Variants in SDR42E2 observed in about 807,000 individuals in gnomAD.
The protein encoded by SDR42E2 is short chain dehydrogenase/reductase family 42E, member 2.
In SDR42E2, 20 loss-of-function variants were observed where a neutral mutation model predicts 10.5. That is an observed-to-expected ratio of 1.90 (90% CI 1.34 to 2.77). SDR42E2 has a LOEUF of 2.77. Among genes scored for constraint, SDR42E2 ranks in the 30% most tolerant of loss-of-function variants. The probability of loss-of-function intolerance (pLI) is 0.00; values close to 1 mark genes in which losing one functional copy is unlikely to be tolerated. For missense variants in SDR42E2, 162 were observed against 104.2 expected, an observed-to-expected ratio of 1.55 and a Z score of -2.42; for synonymous variants, 72 against 39.2, an observed-to-expected ratio of 1.84 and a Z score of -3.12.
At position 22,166,316 on chromosome 16, in the gene SDR42E2, G is replaced by A. The variant is rs1439015232; in HGVS notation, c.122G>A (p.Gly41Glu). Residue 41 changes from glycine to glutamate, a missense_variant, in exon 3 of 13, where the codon GGA becomes GAA. Gly to Glu is a moderately conservative substitution (Grantham distance 98). Coordinates refer to ENST00000602312, the MANE Select transcript of SDR42E2 (RefSeq NM_001394319.2). ...AARQKVLVTG[G>E]GGYLGFSLGS... ...AGGCAGAAGGTTCTAGTGACTGGAG[G>A]AGGAGGCTACCTGGGCTTCAGCCTG... 2 of 402,336 alleles carry A rather than the reference G, an allele frequency of 5.0e-6. No homozygotes were observed. Among genetic ancestry groups the A allele is most frequent in the African/African-American group, 4.1e-5 (2 of 48,720 alleles). The allele number at this position is 402,336 out of a possible 1,614,324, so 24.9% of individuals were successfully genotyped here.
intron 10 of SDR42E2, among the ~76,000 whole-genome samples, chr16:22,183,285 C>G (rs1035957192): frequency 1.3e-5 from 2 of 152,118 alleles, no homozygotes; most frequent in African/African-American, 4.8e-5. Flanking sequence ...CCCTGCTCGG[C>G]TAATTTTTTG....
Position 22,170,838 on chromosome 16 carries a change from G to A in SDR42E2, c.400G>A (p.Val134Ile), listed in dbSNP as rs1055638421. ...GGTKLVIDVC[V>I]RRRVPRLIYT... ...ATGTGCACCTGCTGCTGCAGTCTGT[G>A]TTCGCCGGCGGGTTCCAAGGCTCAT... Residue 134 changes from valine (V) to isoleucine (I), a missense_variant, in exon 6 of 13, where the codon GTT becomes ATT. Physicochemically the swap from Val to Ile is conservative, Grantham distance 29. Coordinates refer to ENST00000602312, the MANE Select transcript of SDR42E2 (RefSeq NM_001394319.2). The A allele has an allele frequency of 7.1e-6, 5 of 702,898 alleles. No homozygotes were observed. The highest frequency in any genetic ancestry group is 1.3e-5 in the Non-Finnish European group (5 of 385,010). 43.5% of individuals were successfully genotyped at this position (702,898 alleles called of 1,614,324 possible).
chr16:22,191,643 A>G lies in SDR42E2; in HGVS notation c.*1250A>G, dbSNP rs768842867. 3.3e-5 allele frequency: 5 copies of G among 152,048 alleles called. No homozygotes were observed. The highest frequency in any genetic ancestry group is 7.4e-5 in the Non-Finnish European group (5 of 68,024). 9.4% of individuals were successfully genotyped at this position (152,048 alleles called of 1,614,324 possible). On this transcript the variant is annotated 3_prime_UTR_variant, in exon 13 of 13. Coordinates refer to ENST00000602312, the MANE Select transcript of SDR42E2 (RefSeq NM_001394319.2). ...GGTTCCTGTCTGAGGATGACAGCAT[A>G]GTAAGCACAGGTTTTAGTACCAGAA...
At chr16:22,178,477 G>C (rs1302584848) in intron 8 of SDR42E2, among the ~76,000 whole-genome samples, 1 of 152,220 alleles carries the variant, frequency 6.6e-6, no homozygotes, top group Admixed American at 6.5e-5. Flanking sequence ...CAAAAAGGCA[G>C]AAGAGAGCCT....
intron 7 of SDR42E2, among the ~76,000 whole-genome samples, chr16:22,174,868 G>A (rs531982001): frequency 1.5e-4 from 23 of 152,210 alleles, no homozygotes; most frequent in African/African-American, 5.3e-4. Flanking sequence ...ATGCCCAGGT[G>A]ACCCAGAGTT....
At chr16:22,186,613 T>C (rs925296712) in intron 11 of SDR42E2, 108 bp from the exon 12 acceptor site, 4 of 400,620 alleles carry the variant, frequency 1.0e-5, no homozygotes, top group Non-Finnish European at 1.8e-5. Context: ...TTCTGCAAAG[T>C]GACCTCTAGC....
At chr16:22,175,555 T>TA (rs1445887817) in intron 7 of SDR42E2, among the ~76,000 whole-genome samples, 1 of 151,672 alleles carries the variant, frequency 6.6e-6, no homozygotes, top group Non-Finnish European at 1.5e-5. Context: ...TTTTTTTTTT[T>TA]TTTAGTCTCC....
intron 12 of SDR42E2, among the ~76,000 whole-genome samples, chr16:22,189,633 C>T (rs1435976162): frequency 6.6e-6 from 1 of 152,210 alleles, no homozygotes; most frequent in East Asian, 1.9e-4. Context: ...TCGAATTCCT[C>T]TCTTAGGGAA....
At chr16:22,167,104 A>T in intron 4 of SDR42E2, 105 bp downstream of exon 4, 2 of 340,232 alleles carry the variant, frequency 5.9e-6, no homozygotes, top group Non-Finnish European at 1.2e-5. Flanking sequence ...CTATTATAGG[A>T]GGGACTTGGG....
intron 1 of SDR42E2, among the ~76,000 whole-genome samples, chr16:22,164,718 G>A (rs772110027): frequency 1.3e-5 from 2 of 152,170 alleles, no homozygotes; most frequent in African/African-American, 4.8e-5. Flanking sequence ...GTGGAGACAG[G>A]CACAGCACTT....
At chr16:22,182,730 T>C (rs1158975611) in intron 10 of SDR42E2, among the ~76,000 whole-genome samples, 1 of 152,188 alleles carries the variant, frequency 6.6e-6, no homozygotes, top group Non-Finnish European at 1.5e-5. Flanking sequence ...CCCAGTGAGG[T>C]GGCTCACATC....
chr16:22,166,201 TCTGGGACTGGG>T (rs2046537355), intron 2 of SDR42E2, 38 bp from the exon 3 acceptor site: 1 of 411,182 alleles, frequency 2.4e-6, no homozygotes, highest in Non-Finnish European at 4.3e-6. Context: ...CAGACAGGGG[TCTGGGACTGGG>T]CCCAGACCCA....
intron 12 of SDR42E2, among the ~76,000 whole-genome samples, chr16:22,188,537 T>G (rs1334741662): frequency 6.6e-6 from 1 of 152,178 alleles, no homozygotes; most frequent in Non-Finnish European, 1.5e-5. Context: ...CTCACTTAAA[T>G]GGTAGAGCTG....
intron 5 of SDR42E2, 47 bp from the exon 6 acceptor site, chr16:22,170,786 C>A: frequency 4.3e-6 from 3 of 702,232 alleles, no homozygotes; most frequent in Non-Finnish European, 7.8e-6. Context: ...TGTGTCTTTG[C>A]ATGTGTGTGT....
At chr16:22,162,808 G>A (rs2046508316) in intron 1 of SDR42E2, among the ~76,000 whole-genome samples, 1 of 152,196 alleles carries the variant, frequency 6.6e-6, no homozygotes, top group Admixed American at 6.5e-5. Context: ...GTTTCCTCAT[G>A]TTCTCTGGGC....
intron 10 of SDR42E2, among the ~76,000 whole-genome samples, chr16:22,183,726 A>G: frequency 6.6e-6 from 1 of 152,188 alleles, no homozygotes; most frequent in East Asian, 1.9e-4. Flanking sequence ...ATCAGATTCT[A>G]CATAAATGCC....
intron 12 of SDR42E2, among the ~76,000 whole-genome samples, chr16:22,189,219 G>C (rs917853512): frequency 1.2e-4 from 19 of 152,162 alleles, no homozygotes; most frequent in African/African-American, 4.1e-4. Flanking sequence ...GACCCCAGGG[G>C]CTGTTTCAAT....
intron 4 of SDR42E2, among the ~76,000 whole-genome samples, 165 bp downstream of exon 4, chr16:22,167,164 C>CTTTTTTTTT (rs2046549057): frequency 9.4e-6 from 1 of 106,618 alleles, no homozygotes; most frequent in East Asian, 3.0e-4. Context: ...CCAGTTCTGC[C>CTTTTTTTTT]ATTTTTTTTT....
In SDR42E2 at chr16:22,178,176, C is replaced by T. The variant is rs986248805; in HGVS notation, c.636C>T (p.Tyr212=). 16 of 702,716 alleles carry T rather than the reference C, an allele frequency of 2.3e-5. No individual in the cohort carries two copies. Among genetic ancestry groups the T allele is most frequent in the Admixed American group, 1.2e-4 (6 of 49,972 alleles). 43.5% of individuals were successfully genotyped at this position (702,716 alleles called of 1,614,324 possible). ...GTGTGCTCCGGCCTCCAGGGATCTA[C>T]GGCCCTGAAGAGCAGAGGCACCTGC... is the stretch of plus-strand genomic sequence containing the variant. The part of the protein sequence containing the change: ...RTCVLRPPGI[Y]GPEEQRHLPR... The change falls in exon 8 of 13, where the codon TAC becomes TAT. Residue 212 remains tyrosine (Y), a synonymous_variant. Transcript: ENST00000602312.
Sources: allele counts gnomAD v4.1 joint callset (sites outside exome capture counted in the v4.1 genomes callset), GRCh38; gene constraint gnomAD v4.1.1; transcripts MANE v1.5; gene names NCBI Gene and HGNC (gene_info 2026-07-23, HGNC 2026-07-21).